The following MRPL34 variants were observed in gnomAD, a reference collection of about 807,000 sequenced individuals.
MRPL34 encodes the protein mitochondrial ribosomal protein L34.
A neutral mutation model predicts 6.7 loss-of-function variants in MRPL34; 8 were observed. The ratio of observed to expected loss-of-function variants is 1.20; its 90% CI spans 0.70 to 2.16. MRPL34 has a LOEUF of 2.16. Ranked by LOEUF, MRPL34 falls within the 30% of genes most tolerant of loss-of-function variation. The pLI is 0.00. For synonymous variants in MRPL34, 59 were observed against 55.1 expected, an observed-to-expected ratio of 1.07 and a Z score of -0.31; for missense variants, 146 against 125.5, an observed-to-expected ratio of 1.16 and a Z score of -0.78.
upstream of MRPL34, among the ~76,000 whole-genome samples, chr19:17,305,240 C>T (rs868513792): frequency 8.9e-6 from 1 of 112,012 alleles, no homozygotes; most frequent in Non-Finnish European, 1.8e-5. Context: ...AATTTTTCTT[C>T]CTTTTTTTTT....
upstream of MRPL34, among the ~76,000 whole-genome samples, chr19:17,303,964 C>G (rs374454996): frequency 6.6e-6 from 1 of 152,018 alleles, no homozygotes; most frequent in African/African-American, 2.4e-5. Flanking sequence ...CCCCCTACGC[C>G]CCCCCCTTTT....
upstream of MRPL34, chr19:17,305,665 T>A (rs2074142172): frequency 1.7e-6 from 1 of 584,984 alleles, no homozygotes; most frequent in Non-Finnish European, 3.1e-6. Flanking sequence ...AAGGCGCCGT[T>A]CGCCGGCTAC....
chr19:17,293,196 A>G (rs1225798767), intron 1 of MRPL34, among the ~76,000 whole-genome samples: 1 of 151,066 alleles, frequency 6.6e-6, no homozygotes, highest in East Asian at 1.9e-4. Flanking sequence ...CCCGGCTTCA[A>G]GCGATTCTCT....
At chr19:17,299,767 A>G (rs2074109326), upstream of MRPL34, among the ~76,000 whole-genome samples, 1 of 152,062 alleles carries the variant, frequency 6.6e-6, no homozygotes, top group East Asian at 1.9e-4. Context: ...ATTTTTTTCA[A>G]GGAGAAAAAT....
At chr19:17,305,217 C>A (rs1197184333), upstream of MRPL34, among the ~76,000 whole-genome samples, 1 of 145,288 alleles carries the variant, frequency 6.9e-6, no homozygotes, top group Non-Finnish European at 1.5e-5. Context: ...GGGTTCAGAT[C>A]TGAGTATCAG....
rs868793203 is a variant in MRPL34, at chr19:17,306,248, G to A, written c.148G>A (p.Gly50Arg). The A allele has an allele frequency of 1.5e-5, 24 of 1,591,216 alleles. No homozygotes were observed. The highest frequency in any genetic ancestry group is 1.9e-5 in the Non-Finnish European group (22 of 1,169,600). ...GCAGCAGGCCCGGGGCAAGGCTCGC[G>A]GGAATGAGTATCAGCCGAGCAACAT... ...TPQQARGKAR[G>R]NEYQPSNIKR... is the part of the protein sequence containing the mutation. Residue 50 changes from glycine to arginine, a missense_variant, in exon 2 of 2, where the codon GGG (glycine) becomes AGG (arginine). Gly to Arg is a moderately radical substitution (Grantham distance 125). Coordinates refer to ENST00000252602, the MANE Select transcript of MRPL34 (RefSeq NM_023937.4).
chr19:17,301,343 C>A (rs1475430098), upstream of MRPL34: 3 of 1,609,064 alleles, frequency 1.9e-6, no homozygotes, highest in Admixed American at 5.0e-5. Context: ...AGGTTTTCCA[C>A]CAGCAACCGC....
rs2288464 is a variant in MRPL34 at position 17,306,443 on chromosome 19, C to T, written c.*64C>T. 1.4e-6 allele frequency: 2 copies of T among 1,429,488 alleles called. No homozygotes were observed. The highest frequency in any genetic ancestry group is 1.9e-6 in the Non-Finnish European group (2 of 1,072,050). The allele number at this position is 1,429,488 out of a possible 1,614,324, so 88.6% of individuals were successfully genotyped here. On this transcript the variant is annotated 3_prime_UTR_variant, in exon 2 of 2. Coordinates refer to ENST00000252602, the MANE Select transcript of MRPL34 (RefSeq NM_023937.4). The stretch of plus-strand genomic sequence containing the variant: ...CGCCCTCGCCTCGGACCTTGCCTGG[C>T]GCTATTTTTGCAGGGAGCTGGGGAG...
upstream of MRPL34, among the ~76,000 whole-genome samples, chr19:17,299,233 G>A (rs1331149550): frequency 3.6e-5 from 2 of 56,022 alleles, no homozygotes; most frequent in Non-Finnish European, 7.8e-5. Context: ...AACATAATGA[G>A]ACCCCCCCCC....
chr19:17,299,722 A>T (rs528750235), upstream of MRPL34, among the ~76,000 whole-genome samples: 162 of 152,072 alleles, frequency 1.1e-3, no homozygotes, highest in African/African-American at 3.7e-3. Context: ...AGAAAAAAAA[A>T]TTTTAAAAAT....
chr19:17,305,827 C>T (rs1235616005), upstream of MRPL34: 3 of 1,490,254 alleles, frequency 2.0e-6, no homozygotes, highest in Non-Finnish European at 2.8e-6. Context: ...ATCCTTTGTT[C>T]CAGGGCTGGA....
chr19:17,301,191 A>G (rs1413223108), upstream of MRPL34: 2 of 1,604,478 alleles, frequency 1.2e-6, no homozygotes, highest in Non-Finnish European at 8.5e-7. Context: ...CACCACTGCC[A>G]CTGCCGCTGC....
chr19:17,301,108 T>C (rs776992540), upstream of MRPL34: 1 of 1,613,240 alleles, frequency 6.2e-7, no homozygotes, highest in South Asian at 1.1e-5. Context: ...CTGGGCGCCT[T>C]TGCAGCTAGT....
At chr19:17,296,886 G>T (rs13343778) in intron 1 of MRPL34, among the ~76,000 whole-genome samples, 37,140 of 151,846 alleles carry the variant, frequency 0.24, 4,883 homozygotes, top group Non-Finnish European at 0.29. Flanking sequence ...GTAGAGACGG[G>T]GTTTCACCGT....
chr19:17,297,691 T>C (rs2074098817), intron 1 of MRPL34: 1 of 151,936 alleles, frequency 6.6e-6, no homozygotes, highest in Admixed American at 6.6e-5. Context: ...CTGTTACCTC[T>C]CAGTCTAGAT....
chr19:17,300,310 A>G (rs2074111631), upstream of MRPL34, among the ~76,000 whole-genome samples: 1 of 150,752 alleles, frequency 6.6e-6, no homozygotes, highest in Admixed American at 6.6e-5. Flanking sequence ...GACTCAAGCA[A>G]TCTCCTGCCT....
chr19:17,306,637 T>C lies in MRPL34; in HGVS notation c.*258T>C. 1 of 343,772 alleles carries C rather than the reference T, an allele frequency of 2.9e-6. No homozygotes were observed. The highest frequency in any genetic ancestry group is 5.3e-6 in the Non-Finnish European group (1 of 189,896). The allele number at this position is 343,772 out of a possible 1,614,324, so 21.3% of individuals were successfully genotyped here. A position where few individuals can be genotyped will look rare whatever the true frequency, so the allele number is the denominator to read the frequency against. ...TGTACCCAGTACCCTGACTACCGAC[T>C]ACCTACAACCCGTCCCTGCCCCATC... is the stretch of plus-strand genomic sequence containing the variant. On this transcript the variant is annotated 3_prime_UTR_variant, in exon 2 of 2. Transcript: ENST00000252602.
At chr19:17,299,760 T>C (rs1338077255), upstream of MRPL34, among the ~76,000 whole-genome samples, 1 of 151,936 alleles carries the variant, frequency 6.6e-6, no homozygotes, top group Non-Finnish European at 1.5e-5. Flanking sequence ...AAATGGGATT[T>C]TTTTCAAGGA....
At chr19:17,294,236 G>T in intron 1 of MRPL34, 1 of 1,570,930 alleles carries the variant, frequency 6.4e-7, no homozygotes. Flanking sequence ...CGCCCCTCCC[G>T]GGCAGCACCC....
Sources: gnomAD v4.1 joint callset for allele counts (sites outside exome capture counted in the v4.1 genomes callset) on GRCh38, gnomAD v4.1.1 for gene constraint, MANE v1.5 for transcripts, NCBI Gene and HGNC (gene_info 2026-07-23, HGNC 2026-07-21) for gene names.